The following ANK2 variants were observed in gnomAD, a reference collection of about 807,000 sequenced individuals.
ANK2 encodes ankyrin-2.
In ANK2, 83 loss-of-function variants were observed where a neutral mutation model predicts 360.5. That is an observed-to-expected ratio of 0.23 (90% CI 0.19 to 0.28). The LOEUF (loss-of-function observed/expected upper bound fraction) is 0.28. Ranked by LOEUF, ANK2 falls within the 10% of genes least tolerant of loss-of-function variation. The probability of loss-of-function intolerance (pLI) is 1.00; values close to 1 mark genes in which losing one functional copy is unlikely to be tolerated. For synonymous variants in ANK2, 1,740 were observed against 1,759.5 expected (o/e 0.99, Z 0.28); for missense variants, 4,201 against 4,795.7 (o/e 0.88, Z 3.66).
chr4:113,190,277 T>C (rs2098636133), intron 2 of ANK2, among the ~76,000 whole-genome samples: 1 of 152,052 alleles, frequency 6.6e-6, no homozygotes. Context: ...GCTAATTTTT[T>C]AGTTTTCATT....
chr4:113,378,032 T>A, intron 45 of ANK2: 4 of 659,674 alleles, frequency 6.1e-6, no homozygotes, highest in Non-Finnish European at 9.0e-6. Context: ...AAGCAATAGA[T>A]TGTTTGAAAG....
At chr4:112,922,619 G>T (rs1250791011) in intron 2 of ANK2, among the ~76,000 whole-genome samples, 1 of 152,210 alleles carries the variant, frequency 6.6e-6, no homozygotes, top group Admixed American at 6.5e-5. Context: ...GTTTAGCCTT[G>T]TGTGACAGAG....
At position 113,356,193 on chromosome 4, in the gene ANK2, A is replaced by G. The variant is rs750595595; in HGVS notation, c.7575A>G (p.Thr2525=). Residue 2525 remains threonine, a synonymous_variant, in exon 38 of 46, where the codon ACA becomes ACG. Transcript: ENST00000357077. ...CTGAGGATGACAGTCTTGAGCAGAC[A>G]TCGCTCATGGAGAGCTCAGGGAAGA... ...GSAEDDSLEQ[T]SLMESSGKSP... 2.2e-5 allele frequency: 35 copies of G among 1,613,884 alleles called. No individual in the cohort carries two copies. Among genetic ancestry groups the G allele is most frequent in the Non-Finnish European group, 2.7e-5 (32 of 1,179,974 alleles).
chr4:113,301,450 A>G (rs1345926217), intron 22 of ANK2, among the ~76,000 whole-genome samples: 1 of 151,810 alleles, frequency 6.6e-6, no homozygotes, highest in Admixed American at 6.6e-5. Flanking sequence ...TAACATATCT[A>G]TTACCTCCAC....
chr4:113,037,071 T>A (rs186587785), intron 2 of ANK2, among the ~76,000 whole-genome samples: 2 of 152,088 alleles, frequency 1.3e-5, no homozygotes, highest in Admixed American at 1.3e-4. Flanking sequence ...AATACAGCTC[T>A]TTGTTTCTGA....
At chr4:113,196,830 T>C (rs1333026721) in intron 3 of ANK2, among the ~76,000 whole-genome samples, 1 of 152,202 alleles carries the variant, frequency 6.6e-6, no homozygotes, top group Non-Finnish European at 1.5e-5. Context: ...TTAAAGCTTC[T>C]TTTCCCTCTC....
chr4:112,907,077 A>G (rs2085495378), intron 2 of ANK2, among the ~76,000 whole-genome samples: 2 of 152,174 alleles, frequency 1.3e-5, no homozygotes, highest in African/African-American at 4.8e-5. Context: ...TACAAAATAT[A>G]TGTCCTTTTT....
intron 45 of ANK2, chr4:113,374,623 A>T: frequency 5.5e-6 from 2 of 366,932 alleles, no homozygotes; most frequent in Non-Finnish European, 8.0e-6. Context: ...GTTTTTTTCT[A>T]ACTCTGCTTC....
chr4:112,857,123 A>T (rs893606871), intron 1 of ANK2, among the ~76,000 whole-genome samples: 1 of 152,178 alleles, frequency 6.6e-6, no homozygotes, highest in African/African-American at 2.4e-5. Context: ...GCAAAGATGG[A>T]GTCAAAGATG....
intron 21 of ANK2, 127 bp from the exon 22 acceptor site, chr4:113,293,313 A>T (rs780899313): frequency 2.4e-6 from 2 of 837,410 alleles, no homozygotes; most frequent in Non-Finnish European, 4.0e-6. Context: ...AAAACTAGTG[A>T]TTTTCCTAAG....
At chr4:112,971,518 G>A (rs1374185168) in intron 2 of ANK2, among the ~76,000 whole-genome samples, 1 of 152,210 alleles carries the variant, frequency 6.6e-6, no homozygotes, top group Non-Finnish European at 1.5e-5. Context: ...TAGGCTATAA[G>A]GGCATATTGT....
chr4:113,073,506 A>G (rs2078620595), intron 1 of ANK2, among the ~76,000 whole-genome samples: 2 of 152,124 alleles, frequency 1.3e-5, no homozygotes, highest in Admixed American at 1.3e-4. Flanking sequence ...TGCCAGCCTG[A>G]AGCGTAGAAA....
upstream of ANK2, among the ~76,000 whole-genome samples, chr4:113,045,315 T>C (rs1458703652): frequency 6.6e-6 from 1 of 152,350 alleles, no homozygotes; most frequent in Non-Finnish European, 1.5e-5. Flanking sequence ...TGGGTCATTG[T>C]CATCTGACAG....
At chr4:113,130,638 C>T (rs2095958993) in intron 1 of ANK2, among the ~76,000 whole-genome samples, 1 of 152,122 alleles carries the variant, frequency 6.6e-6, no homozygotes, top group Non-Finnish European at 1.5e-5. Context: ...AGGATGAGAA[C>T]AGCATCCAGC....
intron 1 of ANK2, among the ~76,000 whole-genome samples, chr4:113,123,137 A>G (rs914364839): frequency 3.9e-5 from 6 of 151,960 alleles, no homozygotes; most frequent in African/African-American, 1.4e-4. Context: ...AAAATCTTAT[A>G]CACACTCAAT....
At chr4:113,011,904 A>T (rs1179134210) in intron 2 of ANK2, among the ~76,000 whole-genome samples, 2 of 152,058 alleles carry the variant, frequency 1.3e-5, no homozygotes, top group Non-Finnish European at 2.9e-5. Flanking sequence ...CTTATGTAGA[A>T]ATTTTATTTT....
rs145507907 is a variant in ANK2 at position 113,248,475 on chromosome 4, T to C, written c.892-1289T>C. Among the ~76,000 whole-genome samples the C allele has an allele frequency of 3.3e-5, 5 of 152,182 alleles. No individual in the cohort carries two copies. The East Asian group carries it at 9.7e-4, about 29-fold the overall frequency. The stretch of plus-strand genomic sequence containing the variant: ...GAGGTCTCTCGAAGTCCTTTTCATG[T>C]CTTGCTGCATTGGCCAAACCCAGCT... On this transcript the variant is annotated intron_variant, in intron 9 of 45. Transcript: ENST00000357077.
chr4:112,982,061 A>C (rs2043266002), intron 2 of ANK2, among the ~76,000 whole-genome samples: 1 of 152,174 alleles, frequency 6.6e-6, no homozygotes, highest in Non-Finnish European at 1.5e-5. Context: ...AACTGAGACA[A>C]GGTTTAAATG....
intron 2 of ANK2, among the ~76,000 whole-genome samples, chr4:113,029,771 T>C (rs1344554550): frequency 6.6e-6 from 1 of 152,082 alleles, no homozygotes; most frequent in Non-Finnish European, 1.5e-5. Flanking sequence ...GACTGACTTA[T>C]CTCGACGGCC....
Sources: gnomAD v4.1 joint callset for allele counts (sites outside exome capture counted in the v4.1 genomes callset) on GRCh38, gnomAD v4.1.1 for gene constraint, MANE v1.5 for transcripts, NCBI Gene and HGNC (gene_info 2026-07-23, HGNC 2026-07-21) for gene names.